The following FLRT2 variants were observed in gnomAD, a reference collection of about 807,000 sequenced individuals.
FLRT2 encodes the protein leucine-rich repeat transmembrane protein FLRT2.
Under a neutral mutation model 40.0 loss-of-function variants are expected in FLRT2, and 15 were observed. That is an observed-to-expected ratio of 0.38 (90% CI 0.25 to 0.58). The LOEUF (loss-of-function observed/expected upper bound fraction) is 0.58. FLRT2 is among the 20% of genes least tolerant of loss of function. FLRT2 has a pLI of 0.71. For missense variants in FLRT2, 726 were observed against 840.0 expected, an observed-to-expected ratio of 0.86 and a Z score of 1.68; for synonymous variants, 380 against 336.8, an observed-to-expected ratio of 1.13 and a Z score of -1.41.
At chr14:85,573,722 T>C (rs1205567139) in intron 1 of FLRT2, among the ~76,000 whole-genome samples, 1 of 152,122 alleles carries the variant, frequency 6.6e-6, no homozygotes, top group African/African-American at 2.4e-5. Flanking sequence ...TAATTTAGGG[T>C]GAGAATGATT....
In FLRT2 at chr14:85,609,240, C is replaced by T. The variant is rs118168840; in HGVS notation, c.-376-11899C>T. Among the ~76,000 whole-genome samples, 390 of 152,164 alleles carry T rather than the reference C, an allele frequency of 2.6e-3. 3 individuals carry two copies. Among genetic ancestry groups the T allele is most frequent in the Non-Finnish European group, 3.4e-3 (230 of 68,006 alleles). On this transcript the variant is annotated intron_variant, in intron 1 of 1. Coordinates refer to ENST00000330753, the MANE Select transcript of FLRT2 (RefSeq NM_013231.6). ...CCAGGAAATTCTGGAATCTGGGCACCCAAGATGGAACCTAGAAGGAGCAAT... is the reference window on the plus strand; with the variant it reads ...CCAGGAAATTCTGGAATCTGGGCACTCAAGATGGAACCTAGAAGGAGCAAT...
chr14:85,595,801 A>G (rs1169308948), intron 1 of FLRT2, among the ~76,000 whole-genome samples: 1 of 152,234 alleles, frequency 6.6e-6, no homozygotes, highest in Non-Finnish European at 1.5e-5. Context: ...CTCAATATCA[A>G]GTAACAGACC....
At chr14:85,577,513 C>T (rs138852947) in intron 1 of FLRT2, among the ~76,000 whole-genome samples, 36 of 152,236 alleles carry the variant, frequency 2.4e-4, no homozygotes, top group Non-Finnish European at 4.0e-4. Flanking sequence ...GTTTTCTAGG[C>T]AGTCTCCTCT....
intron 1 of FLRT2, among the ~76,000 whole-genome samples, chr14:85,531,899 A>AGCGTGCGTCTCCGCGCGG (rs1888305923): frequency 6.6e-6 from 1 of 152,156 alleles, no homozygotes; most frequent in Non-Finnish European, 1.5e-5. Flanking sequence ...CGCGTGTGCC[A>AGCGTGCGTCTCCGCGCGG]GCGTGCGTCT....
intron 1 of FLRT2, among the ~76,000 whole-genome samples, chr14:85,549,803 C>T (rs1213064024): frequency 1.6e-5 from 2 of 122,162 alleles, no homozygotes; most frequent in Non-Finnish European, 3.3e-5. Context: ...GTGGCTTACA[C>T]ATAGCTATTT....
chr14:85,596,243 G>A lies in FLRT2; in HGVS notation c.-376-24896G>A, dbSNP rs1010368717. On this transcript the variant is annotated intron_variant, in intron 1 of 1. Coordinates refer to ENST00000330753, the MANE Select transcript of FLRT2 (RefSeq NM_013231.6). ...ACACGTTATCTTCTCTTCCAGATCT[G>A]GAGACTGACATAGAAACTGTCCTCG... Among the ~76,000 whole-genome samples the A allele has an allele frequency of 1.3e-5, 2 of 152,176 alleles. 1 individual carries two copies. Among genetic ancestry groups the A allele is most frequent in the African/African-American group, 4.8e-5 (2 of 41,440 alleles).
At chr14:85,588,312 G>A (rs1891724837) in intron 1 of FLRT2, among the ~76,000 whole-genome samples, 2 of 152,024 alleles carry the variant, frequency 1.3e-5, no homozygotes, top group South Asian at 4.2e-4. Context: ...TCAGTAACTG[G>A]ATGAAGGTCT....
chr14:85,623,981 G>C lies in FLRT2; in HGVS notation c.*484G>C, dbSNP rs1893553485. 1 of 167,410 alleles carries C rather than the reference G, an allele frequency of 6.0e-6. No homozygotes were observed. The highest frequency in any genetic ancestry group is 1.5e-5 in the Non-Finnish European group (1 of 68,332). 10.4% of individuals were successfully genotyped at this position (167,410 alleles called of 1,614,324 possible). A position where few individuals can be genotyped will look rare whatever the true frequency, so the allele number is the denominator to read the frequency against. On this transcript the variant is annotated 3_prime_UTR_variant, in exon 2 of 2. Coordinates refer to ENST00000330753, the MANE Select transcript of FLRT2 (RefSeq NM_013231.6). ...TATTCCTATACCTCCAGGTCCGGAA[G>C]ACAGGTAAAAAATTCTATAATGTAA...
chr14:85,651,712 C>T lies in FLRT2; in HGVS notation c.*28215C>T. On this transcript the variant is annotated 3_prime_UTR_variant, in exon 2 of 2. Coordinates refer to ENST00000330753, the MANE Select transcript of FLRT2 (RefSeq NM_013231.6). The stretch of plus-strand genomic sequence containing the variant: ...TTCGTTACTTTTTTCTTATTTTTAT[C>T]CTTTCTATGTCTTTATGATTAAATT... The T allele has an allele frequency of 6.6e-6, 1 of 151,628 alleles. No homozygotes were observed. Among genetic ancestry groups the T allele is most frequent in the Non-Finnish European group, 1.5e-5 (1 of 67,882 alleles). The allele number at this position is 151,628 out of a possible 1,614,324, so 9.4% of individuals were successfully genotyped here.
chr14:85,638,874 G>T lies in FLRT2; in HGVS notation c.*15377G>T, dbSNP rs1031748905. ...TCTCTTATGATTGTCAAATAACCTT[G>T]TTATATGCTAAAAATAAAAGATTAA... On this transcript the variant is annotated 3_prime_UTR_variant, in exon 2 of 2. Coordinates refer to ENST00000330753, the MANE Select transcript of FLRT2 (RefSeq NM_013231.6). 6.6e-6 allele frequency: 1 copy of T among 151,986 alleles called. No homozygotes were observed. The highest frequency in any genetic ancestry group is 2.4e-5 in the African/African-American group (1 of 41,350). 9.4% of individuals were successfully genotyped at this position (151,986 alleles called of 1,614,324 possible).
At chr14:85,596,469 A>G (rs1892143197) in intron 1 of FLRT2, among the ~76,000 whole-genome samples, 1 of 152,194 alleles carries the variant, frequency 6.6e-6, no homozygotes, top group Non-Finnish European at 1.5e-5. Context: ...CAAAACAGAG[A>G]TTAGACACTA....
chr14:85,574,510 C>T (rs1217322499), intron 1 of FLRT2, among the ~76,000 whole-genome samples: 1 of 151,994 alleles, frequency 6.6e-6, no homozygotes, highest in African/African-American at 2.4e-5. Context: ...TTGGTACTGC[C>T]CATTAAAATG....
In FLRT2 at chr14:85,644,730, C is replaced by T. The variant is rs1894248942; in HGVS notation, c.*21233C>T. 6.6e-6 allele frequency: 1 copy of T among 152,122 alleles called. No homozygotes were observed. The highest frequency in any genetic ancestry group is 1.5e-5 in the Non-Finnish European group (1 of 68,024). The allele number at this position is 152,122 out of a possible 1,614,324, so 9.4% of individuals were successfully genotyped here. The stretch of plus-strand genomic sequence containing the variant: ...ACTTTGGATTCAATACTTAGTAATC[C>T]CTAAAGCTGTGAATTTGGAGTTTGT... On this transcript the variant is annotated 3_prime_UTR_variant, in exon 2 of 2. Transcript: ENST00000330753.
At position 85,630,277 on chromosome 14, in the gene FLRT2, A is replaced by C. The variant is rs1425680552; in HGVS notation, c.*6780A>C. On this transcript the variant is annotated 3_prime_UTR_variant, in exon 2 of 2. Coordinates refer to ENST00000330753, the MANE Select transcript of FLRT2 (RefSeq NM_013231.6). ...AGCACACACATACCAATGGGTGATC[A>C]TATCTGTCTTTTTTTTTTTTTTTTT... 3 of 136,592 alleles carry C rather than the reference A, an allele frequency of 2.2e-5. No individual in the cohort carries two copies. Among genetic ancestry groups the C allele is most frequent in the Non-Finnish European group, 4.6e-5 (3 of 65,686 alleles). The allele number at this position is 136,592 out of a possible 1,614,324, so 8.5% of individuals were successfully genotyped here. A position where few individuals can be genotyped will look rare whatever the true frequency, so the allele number is the denominator to read the frequency against.
In FLRT2 at chr14:85,637,694, C is replaced by T. The variant is rs1005975724; in HGVS notation, c.*14197C>T. On this transcript the variant is annotated 3_prime_UTR_variant, in exon 2 of 2. Coordinates refer to ENST00000330753, the MANE Select transcript of FLRT2 (RefSeq NM_013231.6). Reference sequence around the variant, plus strand: ...TGATGTAGCTTTGAGGGTGGACCCACCATTCCTGCCATATTCCTTGGGTAG... The same window carrying T: ...TGATGTAGCTTTGAGGGTGGACCCATCATTCCTGCCATATTCCTTGGGTAG... The T allele has an allele frequency of 6.6e-5, 10 of 152,178 alleles. No individual in the cohort carries two copies. The highest frequency in any genetic ancestry group is 2.4e-4 in the African/African-American group (10 of 41,442). The allele number at this position is 152,178 out of a possible 1,614,324, so 9.4% of individuals were successfully genotyped here.
Position 85,622,388 on chromosome 14 carries a change from A to T in FLRT2, c.874A>T (p.Thr292Ser), listed in dbSNP as rs748991455. The T allele has an allele frequency of 1.2e-6, 2 of 1,614,106 alleles. No homozygotes were observed. The highest frequency in any genetic ancestry group is 3.3e-5 in the Admixed American group (2 of 60,000). Residue 292 changes from threonine (T) to serine (S), a missense_variant, in exon 2 of 2, where the codon ACT becomes TCT. By Grantham distance (58) the Thr-to-Ser change is moderately conservative. This residue lies in a region of FLRT2 where 611 missense variants were observed against 690.0 expected (regional missense o/e 0.89). Coordinates refer to ENST00000330753, the MANE Select transcript of FLRT2 (RefSeq NM_013231.6). ...DISNNQLRML[T>S]QGVFDNLSNL... is the part of the protein sequence containing the mutation. ...ATCCAACAACCAACTGCGGATGCTG[A>T]CTCAAGGGGTTTTTGATAATCTCTC... is the stretch of plus-strand genomic sequence containing the variant.
intron 1 of FLRT2, among the ~76,000 whole-genome samples, chr14:85,553,853 A>T (rs549406915): frequency 6.6e-6 from 1 of 152,312 alleles, no homozygotes; most frequent in Non-Finnish European, 1.5e-5. Context: ...GCATTAACAG[A>T]TGAGTTTTCA....
intron 1 of FLRT2, among the ~76,000 whole-genome samples, chr14:85,565,881 A>G (rs1027784919): frequency 1.1e-4 from 16 of 152,218 alleles, no homozygotes; most frequent in Non-Finnish European, 1.9e-4. Context: ...CTTAATGGAG[A>G]AAACACATTG....
chr14:85,566,548 G>GTT (rs564948050), intron 1 of FLRT2, among the ~76,000 whole-genome samples: 1 of 38,380 alleles, frequency 2.6e-5, no homozygotes, highest in African/African-American at 1.6e-4. Flanking sequence ...AACTTCCATG[G>GTT]TTGTGTGTGT....
Sources: allele counts gnomAD v4.1 joint callset (sites outside exome capture counted in the v4.1 genomes callset), GRCh38; gene constraint gnomAD v4.1.1; regional missense constraint gnomAD v4.1.1; transcripts MANE v1.5; gene names NCBI Gene and HGNC (gene_info 2026-07-23, HGNC 2026-07-21).